Variants in ZNF33A observed in about 807,000 individuals in gnomAD.
The protein encoded by ZNF33A is zinc finger protein 33A, also known as brain my041 protein.
Under a neutral mutation model 15.9 loss-of-function variants are expected in ZNF33A, and 9 were observed. The ratio of observed to expected loss-of-function variants is 0.57; its 90% CI spans 0.34 to 0.99. The LOEUF is 0.99. Among genes scored for constraint, ZNF33A ranks in the 50% least tolerant of loss-of-function variants. ZNF33A has a pLI of 0.02. For missense variants in ZNF33A, 843 were observed against 941.6 expected (o/e 0.90, Z 1.37); for synonymous variants, 294 against 324.2 (o/e 0.91, Z 1.00).
chr10:38,012,217 T>C, intron 1 of ZNF33A, 81 bp from the exon 2 acceptor site: 1 of 1,456,394 alleles, frequency 6.9e-7, no homozygotes, highest in Non-Finnish European at 9.5e-7. Flanking sequence ...TGGGTGTGTA[T>C]GGCTTCTTAG....
In ZNF33A at chr10:38,055,620, G is replaced by A. The variant is rs147315769; in HGVS notation, c.1496G>A (p.Cys499Tyr). The change falls in exon 5 of 5, where the codon TGT becomes TAT. Residue 499 changes from cysteine to tyrosine, a missense_variant. Coordinates refer to ENST00000432900, the MANE Select transcript of ZNF33A (RefSeq NM_006954.2). ...RIHIGDKSYECNACGKTFYHK... is the reference protein window; with the variant it reads ...RIHIGDKSYEYNACGKTFYHK... Reference sequence around the variant, plus strand: ...CACATAGGAGATAAATCTTATGAATGTAATGCATGTGGGAAAACTTTCTAC... The same window carrying A: ...CACATAGGAGATAAATCTTATGAATATAATGCATGTGGGAAAACTTTCTAC... 3.8e-5 allele frequency: 62 copies of A among 1,614,086 alleles called. No individual in the cohort carries two copies. In the African/African-American group the frequency reaches 7.7e-4, roughly 20 times the overall value.
rs540744045 is a variant in ZNF33A, at chr10:38,055,779, C to A, written c.1655C>A (p.Pro552His). 8 of 1,585,842 alleles carry A rather than the reference C, an allele frequency of 5.0e-6. No individual in the cohort carries two copies. Among genetic ancestry groups the A allele is most frequent in the Non-Finnish European group, 5.2e-6 (6 of 1,161,786 alleles). ...CAGAGAACACACACAGGGCAGAAAC[C>A]CTTTGCATGTCCCGAATGTGGGAAA... is the stretch of plus-strand genomic sequence containing the variant. The part of the protein sequence containing the change: ...VHQRTHTGQK[P>H]FACPECGKFF... The change falls in exon 5 of 5, where the codon CCC becomes CAC. Residue 552 changes from proline (P) to histidine (H), a missense_variant. Transcript: ENST00000432900.
Position 38,057,548 on chromosome 10 carries a change from G to T in ZNF33A, c.*988G>T. The T allele has an allele frequency of 6.1e-6, 6 of 985,014 alleles. No homozygotes were observed. The highest frequency in any genetic ancestry group is 7.2e-6 in the Non-Finnish European group (6 of 829,536). 61.0% of individuals were successfully genotyped at this position (985,014 alleles called of 1,614,324 possible). A position where few individuals can be genotyped will look rare whatever the true frequency, so the allele number is the denominator to read the frequency against. The stretch of plus-strand genomic sequence containing the variant: ...TTACATTATCAGGCCCATCCCAGAT[G>T]TTTGTGATGTCCTGAAACAATTTAA... On this transcript the variant is annotated 3_prime_UTR_variant, in exon 5 of 5. Coordinates refer to ENST00000432900, the MANE Select transcript of ZNF33A (RefSeq NM_006954.2).
chr10:38,031,968 T>C (rs1055787669), intron 4 of ZNF33A, among the ~76,000 whole-genome samples: 20 of 151,422 alleles, frequency 1.3e-4, no homozygotes, highest in African/African-American at 4.9e-4. Flanking sequence ...TCTTACAAAA[T>C]AAAATAAAAT....
downstream of ZNF33A, chr10:38,064,135 A>G: frequency 1.3e-6 from 2 of 1,594,706 alleles, no homozygotes; most frequent in Non-Finnish European, 8.5e-7. Context: ...CAGTGCTGGA[A>G]GAAGAGGACT....
intron 4 of ZNF33A, among the ~76,000 whole-genome samples, chr10:38,043,061 G>T (rs2065779984): frequency 6.6e-6 from 1 of 152,064 alleles, no homozygotes; most frequent in Non-Finnish European, 1.5e-5. Flanking sequence ...TCACCCTAAA[G>T]AACTTCTTTT....
chr10:38,021,068 C>T (rs2064716972), intron 4 of ZNF33A, among the ~76,000 whole-genome samples: 1 of 152,074 alleles, frequency 6.6e-6, no homozygotes, highest in Non-Finnish European at 1.5e-5. Context: ...TCTATTCCAC[C>T]ATCTTGCTCC....
chr10:38,056,258 C>T lies in ZNF33A; in HGVS notation c.2134C>T (p.His712Tyr). ...FRHKSSLTVH[H>Y]RAHTGEKSCQ... ...GCACAAATCATCACTCACAGTACATCACAGGGCTCACACAGGAGAGAAATC... is the reference window on the plus strand; with the variant it reads ...GCACAAATCATCACTCACAGTACATTACAGGGCTCACACAGGAGAGAAATC... The change falls in exon 5 of 5, where the codon CAC (histidine) becomes TAC (tyrosine). Residue 712 changes from histidine to tyrosine, a missense_variant. By Grantham distance (83) the His-to-Tyr change is moderately conservative. Transcript: ENST00000432900. 6.2e-7 allele frequency: 1 copy of T among 1,614,088 alleles called. No homozygotes were observed.
In ZNF33A at chr10:38,047,624, C is replaced by CAA. The variant is rs554054575; in HGVS notation, c.251-6712_251-6711dup. Among the ~76,000 whole-genome samples, 11 of 75,004 alleles carry CAA rather than the reference C, an allele frequency of 1.5e-4. 1 individual carries two copies. The highest frequency in any genetic ancestry group is 1.8e-4 in the Admixed American group (1 of 5,646). 49.2% of individuals were successfully genotyped at this position (75,004 alleles called of 152,430 possible). A position where few individuals can be genotyped will look rare whatever the true frequency, so the allele number is the denominator to read the frequency against. On this transcript the variant is annotated intron_variant, in intron 4 of 4. Coordinates refer to ENST00000432900, the MANE Select transcript of ZNF33A (RefSeq NM_006954.2). ...CTGGCGATAGAGCAAGACTCTGTCT[C>CAA]AAAAAAAAAAAAAAAAAAAAAAAAA...
At chr10:38,019,580 A>G (rs1050991070) in intron 4 of ZNF33A, among the ~76,000 whole-genome samples, 6 of 152,230 alleles carry the variant, frequency 3.9e-5, no homozygotes, top group African/African-American at 9.6e-5. Context: ...AGGAAGTAGT[A>G]TGTTTTCTCA....
intron 4 of ZNF33A, among the ~76,000 whole-genome samples, chr10:38,032,044 A>G (rs902629574): frequency 4.6e-5 from 7 of 152,178 alleles, no homozygotes; most frequent in East Asian, 1.9e-4. Context: ...CACACTTTCT[A>G]TATGAGAGAT....
chr10:38,060,091 CT>C, downstream of ZNF33A: 2 of 985,230 alleles, frequency 2.0e-6, no homozygotes, highest in Non-Finnish European at 2.4e-6. Flanking sequence ...CTAAGGTGTT[CT>C]TTTGTTAGTT....
At chr10:38,019,254 C>G (rs2738210) in intron 4 of ZNF33A, among the ~76,000 whole-genome samples, 116,669 of 151,576 alleles carry the variant, frequency 0.77, 45,086 homozygotes, top group South Asian at 0.93. Flanking sequence ...TTTGGCTTTG[C>G]GATAGTTTGC....
chr10:38,040,397 A>C (rs2135689258), intron 4 of ZNF33A, among the ~76,000 whole-genome samples: 1 of 152,234 alleles, frequency 6.6e-6, no homozygotes, highest in Non-Finnish European at 1.5e-5. Flanking sequence ...ATGGGGTATT[A>C]CAGTTTGCAA....
intron 4 of ZNF33A, among the ~76,000 whole-genome samples, chr10:38,051,363 C>A (rs539514929): frequency 6.6e-6 from 1 of 152,170 alleles, no homozygotes; most frequent in South Asian, 2.1e-4. Context: ...AGAAATTTAA[C>A]CCATATTGTC....
chr10:38,064,079 C>G (rs1415684505), downstream of ZNF33A: 4 of 1,596,928 alleles, frequency 2.5e-6, no homozygotes, highest in Middle Eastern at 5.1e-4. Context: ...CATCCTTACT[C>G]CCTCCCAGGC....
In ZNF33A at chr10:38,056,244, C is replaced by T. The variant is rs1338819198; in HGVS notation, c.2120C>T (p.Ser707Leu). The T allele has an allele frequency of 6.2e-7, 1 of 1,614,110 alleles. No homozygotes were observed. Residue 707 changes from serine (S) to leucine (L), a missense_variant, in exon 5 of 5, where the codon TCA becomes TTA. Ser to Leu is a moderately radical substitution (Grantham distance 145). Transcript: ENST00000432900. ...ECGKFFRHKS[S>L]LTVHHRAHTG... ...GGGAAATTCTTCAGGCACAAATCAT[C>T]ACTCACAGTACATCACAGGGCTCAC...
downstream of ZNF33A, among the ~76,000 whole-genome samples, chr10:38,061,813 T>C (rs1390129668): frequency 6.6e-6 from 1 of 151,990 alleles, no homozygotes; most frequent in Non-Finnish European, 1.5e-5. Context: ...CTATAAAAAT[T>C]AGCTGAGCAT....
At chr10:38,066,137 A>G (rs544856519), downstream of ZNF33A, among the ~76,000 whole-genome samples, 3 of 152,326 alleles carry the variant, frequency 2.0e-5, no homozygotes, top group South Asian at 2.1e-4. Flanking sequence ...AGCATTTGAT[A>G]TAAAACCCTG....
Sources: gnomAD v4.1 joint callset for allele counts (sites outside exome capture counted in the v4.1 genomes callset) on GRCh38, gnomAD v4.1.1 for gene constraint, MANE v1.5 for transcripts, NCBI Gene and HGNC (gene_info 2026-07-23, HGNC 2026-07-21) for gene names.